Variants in ERICH1 observed in about 807,000 individuals in gnomAD.
ERICH1 encodes the protein glutamate-rich protein 1.
Under a neutral mutation model 39.6 loss-of-function variants are expected in ERICH1, and 56 were observed. The ratio of observed to expected loss-of-function variants is 1.41; its 90% CI spans 1.14 to 1.77. ERICH1 has a LOEUF of 1.77. Ranked by LOEUF, ERICH1 falls within the 40% of genes most tolerant of loss-of-function variation. The pLI is 0.00. For synonymous variants in ERICH1, 313 were observed against 223.6 expected, an observed-to-expected ratio of 1.40 and a Z score of -3.57; for missense variants, 826 against 575.4, an observed-to-expected ratio of 1.44 and a Z score of -4.45.
At chr8:662,935 G>A (rs1161447313), downstream of ERICH1, among the ~76,000 whole-genome samples, 2 of 152,188 alleles carry the variant, frequency 1.3e-5, no homozygotes, top group Non-Finnish European at 2.9e-5. Context: ...AGACGGTGAA[G>A]CAGCGGCGCC....
chr8:673,511 C>A lies in ERICH1; in HGVS notation c.841G>T (p.Asp281Tyr). ...TCTTCCTCCCCGGCCCGTGTCAGGT[C>A]TTCCTCAATGGTGTCCACACCGTCC... ...EEDGVDTIEE[D>Y]LTRAGEEDGK... Residue 281 changes from aspartate (D) to tyrosine (Y), a missense_variant, in exon 4 of 6, where the codon GAC (aspartate) becomes TAC (tyrosine). Coordinates refer to ENST00000262109, the MANE Select transcript of ERICH1 (RefSeq NM_207332.3). 1 of 1,613,294 alleles carries A rather than the reference C, an allele frequency of 6.2e-7. No individual in the cohort carries two copies.
chr8:710,102 A>T (rs897913198), intron 2 of ERICH1, among the ~76,000 whole-genome samples: 8 of 152,182 alleles, frequency 5.3e-5, no homozygotes, highest in African/African-American at 1.9e-4. Flanking sequence ...GTACATTCTT[A>T]TAATCAATAA....
At chr8:668,362 C>T (rs992859588) in intron 5 of ERICH1, 1 of 557,894 alleles carries the variant, frequency 1.8e-6, no homozygotes, top group African/African-American at 1.9e-5. Context: ...GTTGACAGCT[C>T]CCAAGTCCGG....
chr8:682,482 A>G (rs61610519), intron 3 of ERICH1, among the ~76,000 whole-genome samples: 28,970 of 152,016 alleles, frequency 0.19, 3,728 homozygotes, highest in East Asian at 0.48. Context: ...CACCCTCCAT[A>G]TGACTTTTCA....
rs551902069 is a variant in ERICH1 at position 686,356 on chromosome 8, C to A, written c.304+6122G>T. 9.4e-4 allele frequency among the ~76,000 whole-genome samples: 143 copies of A among 152,074 alleles called. 1 individual carries two copies. The Middle Eastern group carries it at 0.014, about 14-fold the overall frequency. On this transcript the variant is annotated intron_variant, in intron 3 of 5. Coordinates refer to ENST00000262109, the MANE Select transcript of ERICH1 (RefSeq NM_207332.3). ...CAAATTGCTTAGGAATATGTGCCAA[C>A]AATAGCTTGGAAATCGAGTAACTAT...
At chr8:717,614 A>G (rs1166306504) in intron 1 of ERICH1, among the ~76,000 whole-genome samples, 1 of 152,256 alleles carries the variant, frequency 6.6e-6, no homozygotes, top group East Asian at 1.9e-4. Flanking sequence ...ACTTTATCCA[A>G]CATCTTCATA....
intron 3 of ERICH1, among the ~76,000 whole-genome samples, chr8:630,030 C>A (rs1797886260): frequency 7.1e-6 from 1 of 139,938 alleles, no homozygotes; most frequent in African/African-American, 2.8e-5. Flanking sequence ...GACTCACACC[C>A]TCCCGTGACC....
chr8:634,380 G>T (rs555096116), intron 3 of ERICH1, among the ~76,000 whole-genome samples: 1 of 151,730 alleles, frequency 6.6e-6, no homozygotes, highest in Non-Finnish European at 1.5e-5. Flanking sequence ...CACTGTTGGC[G>T]GGAATGTGAA....
chr8:632,037 C>T (rs143389272), intron 3 of ERICH1, among the ~76,000 whole-genome samples: 185 of 152,312 alleles, frequency 1.2e-3, no homozygotes, highest in Non-Finnish European at 2.2e-3. Context: ...GGAATAGACT[C>T]GAGCTGCGTC....
At chr8:656,581 C>G (rs375276237) in intron 3 of ERICH1, among the ~76,000 whole-genome samples, 3 of 152,224 alleles carry the variant, frequency 2.0e-5, no homozygotes, top group African/African-American at 7.2e-5. Context: ...CCTCCATTAA[C>G]GATCTTGTTC....
At chr8:644,158 C>T (rs1444326056) in intron 3 of ERICH1, among the ~76,000 whole-genome samples, 2 of 152,122 alleles carry the variant, frequency 1.3e-5, no homozygotes, top group African/African-American at 2.4e-5. Context: ...CTCCTGGCCC[C>T]GTCCTAAGGC....
chr8:630,194 A>T (rs1273688149), intron 3 of ERICH1, among the ~76,000 whole-genome samples: 1 of 98,890 alleles, frequency 1.0e-5, no homozygotes, highest in Non-Finnish European at 2.0e-5. Context: ...CCCTCCCGTG[A>T]CCACCCAGAG....
chr8:714,795 G>T (rs190497131), intron 2 of ERICH1, among the ~76,000 whole-genome samples: 1 of 151,660 alleles, frequency 6.6e-6, no homozygotes, highest in Non-Finnish European at 1.5e-5. Flanking sequence ...GCATCTCTCG[G>T]TGGGATGTGC....
intron 2 of ERICH1, among the ~76,000 whole-genome samples, chr8:706,386 C>A (rs1463383745): frequency 6.6e-6 from 1 of 152,172 alleles, no homozygotes; most frequent in Admixed American, 6.5e-5. Context: ...ATTCCACTTA[C>A]AATAGCACCA....
chr8:664,712 A>T (rs1420126787), intron 5 of ERICH1, 36 bp from the exon 6 acceptor site: 1 of 1,521,866 alleles, frequency 6.6e-7, no homozygotes, highest in Non-Finnish European at 9.0e-7. Flanking sequence ...AAAATAAAAC[A>T]AAGACAAAAA....
chr8:642,565 C>G (rs1008570390), intron 3 of ERICH1, among the ~76,000 whole-genome samples: 1 of 151,816 alleles, frequency 6.6e-6, no homozygotes, highest in Non-Finnish European at 1.5e-5. Context: ...AGGATGGTCT[C>G]GATCTTCTGA....
intron 3 of ERICH1, among the ~76,000 whole-genome samples, chr8:683,215 G>C (rs896226666): frequency 1.3e-5 from 2 of 152,214 alleles, no homozygotes; most frequent in Non-Finnish European, 2.9e-5. Context: ...GGCTGGCGTG[G>C]ACCATGGCAG....
chr8:633,091 G>GA (rs1798153569), intron 3 of ERICH1, among the ~76,000 whole-genome samples: 1 of 152,036 alleles, frequency 6.6e-6, no homozygotes, highest in Admixed American at 6.5e-5. Context: ...AGGACAGACG[G>GA]AAACCAGTGT....
chr8:637,208 C>T (rs1007537411), intron 3 of ERICH1, among the ~76,000 whole-genome samples: 1 of 152,252 alleles, frequency 6.6e-6, no homozygotes, highest in African/African-American at 2.4e-5. Context: ...TCTGGCCACA[C>T]TCATTCTGTG....
Sources: gnomAD v4.1 joint callset for allele counts (sites outside exome capture counted in the v4.1 genomes callset) on GRCh38, gnomAD v4.1.1 for gene constraint, MANE v1.5 for transcripts, NCBI Gene and HGNC (gene_info 2026-07-23, HGNC 2026-07-21) for gene names.